SSX1: variants seen among roughly 807,000 people sequenced by gnomAD.
SSX1 encodes protein SSX1.
SSX1 carries 58 observed loss-of-function variants against 14.6 expected under a neutral mutation model. The ratio of observed to expected loss-of-function variants is 3.96; its 90% CI spans 3.21 to 4.93. The LOEUF is 4.93. Ranked by LOEUF, SSX1 falls within the 30% of genes most tolerant of loss-of-function variation. SSX1 has a pLI of 0.00. For synonymous variants in SSX1, 46 were observed against 52.1 expected, an observed-to-expected ratio of 0.88 and a Z score of 0.50; for missense variants, 272 against 143.1, an observed-to-expected ratio of 1.90 and a Z score of -4.60.
At chrX:48,265,854 A>AT (rs1259725576) in intron 6 of SSX1, among the ~76,000 whole-genome samples, 1 of 111,921 alleles carries the variant, frequency 8.9e-6, no homozygotes, top group Non-Finnish European at 1.9e-5. Flanking sequence ...ATCAAAGCTC[A>AT]CTGATCACAG....
chrX:48,264,021 CTGG>C, intron 6 of SSX1, 104 bp downstream of exon 6: 1 of 1,127,413 alleles, frequency 8.9e-7, no homozygotes, highest in Non-Finnish European at 1.2e-6. Flanking sequence ...TGGGTCCAGG[CTGG>C]GCTGAAGAGC....
Position 48,263,855 on chromosome X carries a change from A to G in SSX1, c.404A>G (p.Asp135Gly). ...TCAGAAGCATCTGGCCCACAAAACG[A>G]TGGGAAACAACTGCACCCCCCAGGA... ...GVSEASGPQNDGKQLHPPGKA... is the reference protein window; with the variant it reads ...GVSEASGPQNGGKQLHPPGKA... Residue 135 changes from aspartate (D) to glycine (G), a missense_variant, in exon 6 of 8, where the codon GAT becomes GGT. Coordinates refer to ENST00000376919, the MANE Select transcript of SSX1 (RefSeq NM_005635.4). 1 of 1,211,649 alleles carries G rather than the reference A, an allele frequency of 8.3e-7. No individual in the cohort carries two copies. Among genetic ancestry groups the G allele is most frequent in the Non-Finnish European group, 1.1e-6 (1 of 895,362 alleles).
chrX:48,257,098 G>A lies in SSX1; in HGVS notation c.-20-124G>A, dbSNP rs192386094. The A allele has an allele frequency of 2.8e-3, 1,671 of 587,819 alleles. 4 individuals carry two copies. Among genetic ancestry groups the A allele is most frequent in the Non-Finnish European group, 4.0e-3 (1,430 of 360,973 alleles). 48.4% of individuals were successfully genotyped at this position (587,819 alleles called of 1,213,427 possible). On this transcript the variant is annotated intron_variant, in intron 1 of 7. Transcript: ENST00000376919. ...CATGTCCTTACCCATGGACAGGTAA[G>A]CCCCGAATGGAGAAATGCAACCCCT... is the stretch of plus-strand genomic sequence containing the variant.
rs1818707401 is a variant in SSX1, at chrX:48,266,310, T to C, written c.490T>C (p.Trp164Arg). 2.5e-6 allele frequency: 3 copies of C among 1,210,065 alleles called. No individual in the cohort carries two copies. Among genetic ancestry groups the C allele is most frequent in the Non-Finnish European group, 3.4e-6 (3 of 895,333 alleles). The change falls in exon 7 of 8, where the codon TGG becomes CGG. Residue 164 changes from tryptophan (W) to arginine (R), a missense_variant. Trp to Arg is a moderately radical substitution (Grantham distance 101). Transcript: ENST00000376919. Reference sequence around the variant, plus strand: ...AGGACCCAAAAGGGGGAAACATGCCTGGACCCACAGACTGCGTGAGAGAAA... The same window carrying C: ...AGGACCCAAAAGGGGGAAACATGCCCGGACCCACAGACTGCGTGAGAGAAA... ...RSGPKRGKHA[W>R]THRLRERKQL...
At chrX:48,256,196 G>T (rs1556934286) in intron 1 of SSX1, among the ~76,000 whole-genome samples, 1 of 108,685 alleles carries the variant, frequency 9.2e-6, no homozygotes, top group African/African-American at 3.4e-5. Flanking sequence ...TAGAAATGGG[G>T]TTTTGCTATG....
chrX:48,264,935 C>T (rs2059618174), intron 6 of SSX1, among the ~76,000 whole-genome samples: 1 of 112,518 alleles, frequency 8.9e-6, no homozygotes, highest in Admixed American at 9.5e-5. Context: ...ACACCTTGCA[C>T]TTTTATGTTA....
intron 4 of SSX1, among the ~76,000 whole-genome samples, chrX:48,261,075 G>A (rs2059602196): frequency 8.9e-6 from 1 of 111,951 alleles, no homozygotes; most frequent in Admixed American, 9.5e-5. Context: ...ATGAAAAAAA[G>A]ACAGGTTCTT....
chrX:48,257,678 A>G (rs2059587169), intron 2 of SSX1, 68 bp from the exon 3 acceptor site: 5 of 1,140,148 alleles, frequency 4.4e-6, no homozygotes, highest in South Asian at 1.9e-5. Flanking sequence ...GCACACAGGA[A>G]GCGGCTCCAG....
At chrX:48,262,701 C>T (rs1178797515) in intron 5 of SSX1, among the ~76,000 whole-genome samples, 1 of 111,385 alleles carries the variant, frequency 9.0e-6, no homozygotes, top group Non-Finnish European at 1.9e-5. Flanking sequence ...GTATGGAGAA[C>T]GAATTCAAAG....
intron 4 of SSX1, 138 bp downstream of exon 4, chrX:48,258,769 G>T (rs2059593501): frequency 4.4e-6 from 2 of 459,636 alleles, no homozygotes; most frequent in African/African-American, 5.0e-5. Context: ...CATACAGAAA[G>T]TTAACTACAG....
At chrX:48,263,985 T>G in intron 6 of SSX1, 68 bp downstream of exon 6, 1 of 1,170,866 alleles carries the variant, frequency 8.5e-7, no homozygotes. Context: ...GTGGACTGGG[T>G]GTGTGGCATG....
chrX:48,263,892 TTC>T lies in SSX1; in HGVS notation c.443_444del (p.Ser148Ter), dbSNP rs782001155. On this transcript the variant is annotated frameshift_variant, in exon 6 of 8. Coordinates refer to ENST00000376919, the MANE Select transcript of SSX1 (RefSeq NM_005635.4). LOFTEE classifies it high-confidence loss of function. ...QLHPPGKANI[S>X]EKINKRSGPK... ...TGCACCCCCCAGGAAAAGCAAATATTTCTGAGAAGATTAATAAGAGATCTGGT... is the reference window on the plus strand; with the variant it reads ...TGCACCCCCCAGGAAAAGCAAATATTTGAGAAGATTAATAAGAGATCTGGT... The T allele has an allele frequency of 1.7e-5, 20 of 1,209,344 alleles. No homozygotes were observed. Among genetic ancestry groups the T allele is most frequent in the Non-Finnish European group, 1.9e-5 (17 of 895,041 alleles).
chrX:48,267,237 A>T lies in SSX1; in HGVS notation c.*388A>T, dbSNP rs1293516786. 7.3e-6 allele frequency: 2 copies of T among 274,378 alleles called. No individual in the cohort carries two copies. Among genetic ancestry groups the T allele is most frequent in the African/African-American group, 2.9e-5 (1 of 34,290 alleles). The allele number at this position is 274,378 out of a possible 1,213,427, so 22.6% of individuals were successfully genotyped here. A position where few individuals can be genotyped will look rare whatever the true frequency, so the allele number is the denominator to read the frequency against. On this transcript the variant is annotated 3_prime_UTR_variant, in exon 8 of 8. Coordinates refer to ENST00000376919, the MANE Select transcript of SSX1 (RefSeq NM_005635.4). ...AGGGCAGTTCTGAGTGTTTAATTTC[A>T]GACTTTTTCCTCTGCATTTACACAC... is the stretch of plus-strand genomic sequence containing the variant.
rs184459560 is a variant in SSX1 at position 48,255,717 on chromosome X, C to T, written c.-21+285C>T. ...ACCGCCTGGGCTCAAGCAATCCTCC[C>T]GCCTTGGCCTCGGGACTACAGGCAC... On this transcript the variant is annotated intron_variant, in intron 1 of 7. Transcript: ENST00000376919. 1.3e-4 allele frequency among the ~76,000 whole-genome samples: 14 copies of T among 105,333 alleles called. No individual in the cohort carries two copies. In the East Asian group the frequency reaches 3.0e-3, roughly 23 times the overall value. The allele number at this position is 105,333 out of a possible 115,157, so 91.5% of individuals were successfully genotyped here. A position where few individuals can be genotyped will look rare whatever the true frequency, so the allele number is the denominator to read the frequency against.
chrX:48,264,403 A>G (rs1556936075), intron 6 of SSX1, among the ~76,000 whole-genome samples: 2 of 112,704 alleles, frequency 1.8e-5, no homozygotes, highest in African/African-American at 6.4e-5. Context: ...TTCGCAGTGC[A>G]TAAAAACATT....
chrX:48,261,570 T>A (rs1556935465), intron 4 of SSX1, among the ~76,000 whole-genome samples, 196 bp from the exon 5 acceptor site: 3 of 112,276 alleles, frequency 2.7e-5, no homozygotes, highest in Non-Finnish European at 1.9e-5. Flanking sequence ...AACCATGTGA[T>A]GTAAAATTCT....
In SSX1 at chrX:48,257,258, C is replaced by G; in HGVS notation, c.17C>G (p.Thr6Ser). Reference sequence around the variant, plus strand: ...CCTGGTGCCATGAACGGAGACGACACCTTTGCAAAGAGACCCAGGGATGAT... The same window carrying G: ...CCTGGTGCCATGAACGGAGACGACAGCTTTGCAAAGAGACCCAGGGATGAT... MNGDD[T>S]FAKRPRDDAK... Residue 6 changes from threonine (T) to serine (S), a missense_variant, in exon 2 of 8, where the codon ACC becomes AGC. By Grantham distance (58) the Thr-to-Ser change is moderately conservative. Transcript: ENST00000376919. 8.3e-7 allele frequency: 1 copy of G among 1,210,899 alleles called. No individual in the cohort carries two copies. Among genetic ancestry groups the G allele is most frequent in the Non-Finnish European group, 1.1e-6 (1 of 894,978 alleles).
chrX:48,257,368 G>A lies in SSX1; in HGVS notation c.69+58G>A, dbSNP rs781968952. ...CCAGGGGACAGAGTAGGGTGACCAG[G>A]TTTCTGAGGAGGGGAGGACAGAGGT... On this transcript the variant is annotated intron_variant, in intron 2 of 7. Coordinates refer to ENST00000376919, the MANE Select transcript of SSX1 (RefSeq NM_005635.4). 1.9e-5 allele frequency: 23 copies of A among 1,193,372 alleles called. No homozygotes were observed. The African/African-American group carries it at 2.8e-4, about 15-fold the overall frequency.
chrX:48,264,059 A>G, intron 6 of SSX1, 142 bp downstream of exon 6: 1 of 1,060,598 alleles, frequency 9.4e-7, no homozygotes, highest in Admixed American at 3.4e-5. Context: ...ATGAGATGTT[A>G]GACATGACTT....
Sources: gnomAD v4.1 joint callset for allele counts (sites outside exome capture counted in the v4.1 genomes callset) on GRCh38, gnomAD v4.1.1 for gene constraint, MANE v1.5 for transcripts, NCBI Gene and HGNC (gene_info 2026-07-23, HGNC 2026-07-21) for gene names.